The following LIFR variants were observed in gnomAD, a reference collection of about 807,000 sequenced individuals.
LIFR encodes LIF receptor subunit alpha.
A neutral mutation model predicts 122.2 loss-of-function variants in LIFR; 84 were observed. The ratio of observed to expected loss-of-function variants is 0.69; its 90% CI spans 0.58 to 0.82. The LOEUF is 0.82. LIFR is among the 40% of genes least tolerant of loss of function. The pLI, the probability that LIFR is intolerant of heterozygous loss-of-function variation, is 0.00. For missense variants in LIFR, 1,294 were observed against 1,311.6 expected (o/e 0.99, Z 0.21); for synonymous variants, 422 against 434.7 (o/e 0.97, Z 0.36).
At position 38,481,129 on chromosome 5, in the gene LIFR, T is replaced by C; in HGVS notation, c.*466A>G. 4.0e-6 allele frequency: 1 copy of C among 253,040 alleles called. No homozygotes were observed. Among genetic ancestry groups the C allele is most frequent in the East Asian group, 5.9e-5 (1 of 17,024 alleles). 15.7% of individuals were successfully genotyped at this position (253,040 alleles called of 1,614,324 possible). A position where few individuals can be genotyped will look rare whatever the true frequency, so the allele number is the denominator to read the frequency against. ...TAGAAGTTTTAAAATCTGTGCTTGG[T>C]TTTCATCTAGAAAGGAGTAAACGTC... is the stretch of plus-strand genomic sequence containing the variant. On this transcript the variant is annotated 3_prime_UTR_variant, in exon 20 of 20. Coordinates refer to ENST00000453190, the MANE Select transcript of LIFR (RefSeq NM_001127671.2).
chr5:38,533,622 G>C (rs916022641), intron 1 of LIFR, among the ~76,000 whole-genome samples: 3 of 152,232 alleles, frequency 2.0e-5, no homozygotes, highest in Non-Finnish European at 4.4e-5. Flanking sequence ...CTAAATACCA[G>C]AAACTAGTCC....
chr5:38,567,279 G>A lies in LIFR; in HGVS notation c.-20+27982C>T, dbSNP rs1294398039. On this transcript the variant is annotated intron_variant, in intron 1 of 19. Coordinates refer to the LIFR transcript ENST00000263409. ...GAAGTGACTAGCAGAGCTGAGAGAT[G>A]GAGACAGACCAAATTCTGGGATCAC... is the stretch of plus-strand genomic sequence containing the variant. Among the ~76,000 whole-genome samples the A allele has an allele frequency of 2.6e-5, 4 of 152,236 alleles. No individual in the cohort carries two copies. The East Asian group carries it at 5.8e-4, about 22-fold the overall frequency.
chr5:38,534,623 A>C (rs1275583473), intron 1 of LIFR, among the ~76,000 whole-genome samples: 8 of 152,242 alleles, frequency 5.3e-5, no homozygotes, highest in Admixed American at 4.6e-4. Flanking sequence ...AAGATGCATC[A>C]CTGAGAATAT....
At chr5:38,571,910 A>G (rs1054393279) in intron 1 of LIFR, among the ~76,000 whole-genome samples, 1 of 152,222 alleles carries the variant, frequency 6.6e-6, no homozygotes, top group Non-Finnish European at 1.5e-5. Context: ...CAGGGAGGGC[A>G]TTACCCATGA....
intron 16 of LIFR, among the ~76,000 whole-genome samples, chr5:38,487,099 C>T (rs1744326632): frequency 6.6e-6 from 1 of 152,212 alleles, no homozygotes; most frequent in African/African-American, 2.4e-5. Flanking sequence ...TCCCCTCCAC[C>T]CATCCCTTGC....
At chr5:38,572,538 C>T (rs993731698) in intron 1 of LIFR, among the ~76,000 whole-genome samples, 3 of 152,148 alleles carry the variant, frequency 2.0e-5, no homozygotes, top group Non-Finnish European at 4.4e-5. Flanking sequence ...CCTTATAAAG[C>T]ACCCCTCAAC....
chr5:38,502,788 T>G lies in LIFR; in HGVS notation c.1449A>C (p.Thr483=). The G allele has an allele frequency of 1.3e-6, 2 of 1,595,162 alleles. No homozygotes were observed. Among genetic ancestry groups the G allele is most frequent in the South Asian group, 2.2e-5 (2 of 89,980 alleles). Reference sequence around the variant, plus strand: ...AACTTGAATTTTCTACTCCTTTGATTGTGACATTCCGCTATTGGAAAACAA... The same window carrying G: ...AACTTGAATTTTCTACTCCTTTGATGGTGACATTCCGCTATTGGAAAACAA... ...SNSVQEQRNV[T]IKGVENSSYL... Residue 483 remains threonine, a synonymous_variant, in exon 11 of 20, where the codon ACA becomes ACC. Coordinates refer to ENST00000453190, the MANE Select transcript of LIFR (RefSeq NM_001127671.2).
chr5:38,557,538 C>CAGG (rs1339320693), upstream of LIFR: 1 of 154,802 alleles, frequency 6.5e-6, no homozygotes, highest in African/African-American at 2.4e-5. Flanking sequence ...GGCACGCAGT[C>CAGG]AGGACTCTAC....
chr5:38,540,291 G>A lies in LIFR; in HGVS notation c.-19-9625C>T, dbSNP rs80340849. 4.1e-3 allele frequency among the ~76,000 whole-genome samples: 629 copies of A among 152,200 alleles called. 4 individuals carry two copies. The highest frequency in any genetic ancestry group is 0.014 in the African/African-American group (600 of 41,524). On this transcript the variant is annotated intron_variant, in intron 1 of 19. Coordinates refer to ENST00000453190, the MANE Select transcript of LIFR (RefSeq NM_001127671.2). ...AGAAAACCTTGTTTGTCACCTGCAG[G>A]AACAAACTGGTAGATGTACAATGTG...
At chr5:38,504,181 A>G in intron 9 of LIFR, 60 bp from the exon 10 acceptor site, 2 of 1,147,104 alleles carry the variant, frequency 1.7e-6, no homozygotes, top group Non-Finnish European at 2.6e-6. Flanking sequence ...ATCTTCTAAT[A>G]TGACAAATGA....
chr5:38,500,795 G>A (rs1358769240), intron 11 of LIFR, among the ~76,000 whole-genome samples: 1 of 152,138 alleles, frequency 6.6e-6, no homozygotes, highest in African/African-American at 2.4e-5. Flanking sequence ...CCATGTGCGT[G>A]GTGCCCTCCC....
At chr5:38,583,852 T>A (rs1247753707) in intron 1 of LIFR, among the ~76,000 whole-genome samples, 1 of 152,210 alleles carries the variant, frequency 6.6e-6, no homozygotes, top group Non-Finnish European at 1.5e-5. Flanking sequence ...CCCATATTGT[T>A]CTCATGGTAG....
intron 12 of LIFR, among the ~76,000 whole-genome samples, chr5:38,498,826 C>G (rs1007600690): frequency 1.3e-5 from 2 of 152,102 alleles, no homozygotes; most frequent in African/African-American, 4.8e-5. Flanking sequence ...TCACATTGAA[C>G]CTGCATGTAC....
At chr5:38,554,355 G>A (rs2112665449) in intron 1 of LIFR, among the ~76,000 whole-genome samples, 1 of 152,314 alleles carries the variant, frequency 6.6e-6, no homozygotes, top group East Asian at 1.9e-4. Context: ...TTTCCTGGAA[G>A]GTGATATAAA....
At chr5:38,607,663 T>C (rs1160447000) in intron 1 of LIFR, 1 of 152,254 alleles carries the variant, frequency 6.6e-6, no homozygotes, top group Non-Finnish European at 1.5e-5. Flanking sequence ...CTGACTCATC[T>C]TGACCAGAGA....
intron 5 of LIFR, among the ~76,000 whole-genome samples, chr5:38,513,308 T>C (rs1745903363): frequency 6.6e-6 from 1 of 152,218 alleles, no homozygotes; most frequent in African/African-American, 2.4e-5. Context: ...CTTGTTTCTA[T>C]CACAGAAATG....
chr5:38,497,157 C>T (rs1431431833), intron 12 of LIFR, among the ~76,000 whole-genome samples: 2 of 152,106 alleles, frequency 1.3e-5, no homozygotes, highest in Admixed American at 6.5e-5. Context: ...CAAAAATTAG[C>T]CAGGCATGGT....
rs751520434 is a variant in LIFR, at chr5:38,482,077, C to G, written c.2812G>C (p.Asp938His). The G allele has an allele frequency of 2.5e-6, 4 of 1,604,196 alleles. No homozygotes were observed. Among genetic ancestry groups the G allele is most frequent in the Admixed American group, 1.7e-5 (1 of 58,730 alleles). ...PVAERPEDRS[D>H]AEPENHVVVS... ...ACCACATGGTTTTCAGGCTCTGCATCAGAGCGATCTTCAGGACGCTCAGCT... is the reference window on the plus strand; with the variant it reads ...ACCACATGGTTTTCAGGCTCTGCATGAGAGCGATCTTCAGGACGCTCAGCT... Residue 938 changes from aspartate to histidine, a missense_variant, in exon 20 of 20, where the codon GAT becomes CAT. Asp to His is a moderately conservative substitution (Grantham distance 81). Transcript: ENST00000453190.
rs1047147808 is a variant in LIFR, at chr5:38,476,298, A to G, written c.*5297T>C. The G allele has an allele frequency of 1.5e-4, 31 of 207,734 alleles. No homozygotes were observed. Among genetic ancestry groups the G allele is most frequent in the African/African-American group, 6.8e-4 (30 of 43,918 alleles). 12.9% of individuals were successfully genotyped at this position (207,734 alleles called of 1,614,324 possible). ...AGTTAACTTTTCCACGTTATAAATG[A>G]AAATTGTACTACCACCTAGAGATAT... On this transcript the variant is annotated 3_prime_UTR_variant, in exon 20 of 20. Coordinates refer to ENST00000453190, the MANE Select transcript of LIFR (RefSeq NM_001127671.2).
Sources: gnomAD v4.1 joint callset for allele counts (sites outside exome capture counted in the v4.1 genomes callset) on GRCh38, gnomAD v4.1.1 for gene constraint, MANE v1.5 for transcripts, NCBI Gene and HGNC (gene_info 2026-07-23, HGNC 2026-07-21) for gene names.